RELL1: variants seen among roughly 807,000 people sequenced by gnomAD.
The protein encoded by RELL1 is RELT like 1.
RELL1 carries 10 observed loss-of-function variants against 23.0 expected under a neutral mutation model. That is an observed-to-expected ratio of 0.43 (90% CI 0.27 to 0.74). RELL1 has a LOEUF of 0.74. Among genes scored for constraint, RELL1 ranks in the 30% least tolerant of loss-of-function variants. RELL1 has a pLI of 0.19. For synonymous variants in RELL1, 146 were observed against 146.8 expected (o/e 0.99, Z 0.04); for missense variants, 315 against 364.4 (o/e 0.86, Z 1.10).
intron 1 of RELL1, among the ~76,000 whole-genome samples, chr4:37,675,469 A>T (rs909400669): frequency 2.6e-5 from 4 of 152,204 alleles, no homozygotes; most frequent in African/African-American, 9.6e-5. Context: ...TGCTCCACAC[A>T]GTGGTTGCAA....
At position 37,663,422 on chromosome 4, in the gene RELL1, A is replaced by T. The variant is rs16993773; in HGVS notation, c.89-13922T>A. On this transcript the variant is annotated intron_variant, in intron 1 of 6. Transcript: ENST00000454158. ...CTGAAGAAGTCATTTGTTTGAAGTG[A>T]CCTTAAAGCAACAGGGCTTCAGAAA... is the stretch of plus-strand genomic sequence containing the variant. Among the ~76,000 whole-genome samples the T allele has an allele frequency of 2.4e-3, 363 of 152,248 alleles. 1 individual carries two copies. Among genetic ancestry groups the T allele is most frequent in the African/African-American group, 8.4e-3 (348 of 41,504 alleles).
At chr4:37,675,709 C>A (rs887918235) in intron 1 of RELL1, among the ~76,000 whole-genome samples, 5 of 152,162 alleles carry the variant, frequency 3.3e-5, no homozygotes, top group African/African-American at 1.2e-4. Context: ...GAAATGCTAT[C>A]CTTGATCTCA....
intron 1 of RELL1, among the ~76,000 whole-genome samples, chr4:37,660,714 A>C (rs1032974674): frequency 2.0e-5 from 3 of 152,176 alleles, no homozygotes; most frequent in Non-Finnish European, 4.4e-5. Flanking sequence ...AGGGTACTGC[A>C]CTTGCTCAAG....
chr4:37,659,882 A>C (rs980108828), intron 1 of RELL1, among the ~76,000 whole-genome samples: 1 of 152,154 alleles, frequency 6.6e-6, no homozygotes, highest in Non-Finnish European at 1.5e-5. Flanking sequence ...GTGCTGACCA[A>C]GATCAAGATC....
chr4:37,681,796 CGA>C (rs1201861380), intron 1 of RELL1, among the ~76,000 whole-genome samples: 1 of 151,566 alleles, frequency 6.6e-6, no homozygotes, highest in Non-Finnish European at 1.5e-5. Flanking sequence ...CAAAGTGCTG[CGA>C]TTACAGGCGT....
At chr4:37,588,156 G>A (rs536018895), downstream of RELL1, 2 of 152,382 alleles carry the variant, frequency 1.3e-5, no homozygotes, top group African/African-American at 4.8e-5. Context: ...GAGGGGTCAG[G>A]GAACAGTGGG....
chr4:37,616,496 A>G (rs1177754866), intron 6 of RELL1, among the ~76,000 whole-genome samples: 1 of 152,224 alleles, frequency 6.6e-6, no homozygotes, highest in Admixed American at 6.5e-5. Flanking sequence ...GGTCTCTCTC[A>G]GGGGAAATCA....
In RELL1 at chr4:37,649,542, G is replaced by A. The variant is rs1296414249; in HGVS notation, c.89-42C>T. 6 of 1,554,808 alleles carry A rather than the reference G, an allele frequency of 3.9e-6. 1 individual carries two copies. The highest frequency in any genetic ancestry group is 2.3e-5 in the South Asian group (2 of 88,426). On this transcript the variant is annotated intron_variant, in intron 1 of 6. Transcript: ENST00000454158. ...GCATGCTGCATTAGATATCTGTCCA[G>A]GGCAAGAAAAACCTAATGACTCTCA...
chr4:37,679,742 G>C (rs190808585), intron 1 of RELL1, among the ~76,000 whole-genome samples: 1 of 152,142 alleles, frequency 6.6e-6, no homozygotes, highest in East Asian at 1.9e-4. Context: ...ATCACATGAG[G>C]TCAAGAGTTC....
At chr4:37,604,798 G>GACACACACACACACACACAC (rs368655689) in intron 6 of RELL1, among the ~76,000 whole-genome samples, 413 of 115,658 alleles carry the variant, frequency 3.6e-3, no homozygotes, top group Non-Finnish European at 5.4e-3. Flanking sequence ...CACACACACA[G>GACACACACACACACACACAC]ACACACACAC....
At chr4:37,667,426 A>G (rs1283857495) in intron 1 of RELL1, among the ~76,000 whole-genome samples, 3 of 149,764 alleles carry the variant, frequency 2.0e-5, no homozygotes, top group African/African-American at 7.4e-5. Flanking sequence ...AGCAAGTATC[A>G]AAGGTGACTT....
At chr4:37,669,870 A>C (rs1460249537) in intron 1 of RELL1, among the ~76,000 whole-genome samples, 1 of 151,352 alleles carries the variant, frequency 6.6e-6, no homozygotes, top group Non-Finnish European at 1.5e-5. Flanking sequence ...ACCACTCCCT[A>C]ATCTCAAGTA....
At chr4:37,664,302 G>C (rs1223565672) in intron 1 of RELL1, among the ~76,000 whole-genome samples, 2 of 151,894 alleles carry the variant, frequency 1.3e-5, no homozygotes, top group Non-Finnish European at 1.5e-5. Flanking sequence ...CTTGAACCCG[G>C]GTTGAACCTG....
chr4:37,591,186 C>A, exon 7 of RELL1: 1 of 573,920 alleles, frequency 1.7e-6, no homozygotes, highest in Non-Finnish European at 3.1e-6. Flanking sequence ...TCTGGAGTTT[C>A]ACTCTGTGTA....
intron 6 of RELL1, chr4:37,622,776 A>G: frequency 2.2e-6 from 1 of 451,266 alleles, no homozygotes; most frequent in Non-Finnish European, 4.4e-6. Context: ...ACTGCCTGGC[A>G]CATAGTAGGG....
At chr4:37,616,227 C>T (rs5013602) in intron 6 of RELL1, among the ~76,000 whole-genome samples, 127 of 152,332 alleles carry the variant, frequency 8.3e-4, no homozygotes, top group African/African-American at 3.0e-3. Flanking sequence ...TCAATGATTC[C>T]TATTTTCATA....
At chr4:37,646,012 G>A (rs557133903) in intron 3 of RELL1, among the ~76,000 whole-genome samples, 1 of 152,210 alleles carries the variant, frequency 6.6e-6, no homozygotes, top group East Asian at 1.9e-4. Flanking sequence ...TGAGTGTGGT[G>A]TATTTCAACC....
chr4:37,666,734 T>C (rs894457625), intron 1 of RELL1, among the ~76,000 whole-genome samples: 29 of 152,096 alleles, frequency 1.9e-4, no homozygotes, highest in African/African-American at 6.8e-4. Flanking sequence ...ACTGCTCAGG[T>C]GGTACCACAA....
At chr4:37,655,882 G>C (rs1721099487) in intron 1 of RELL1, among the ~76,000 whole-genome samples, 1 of 152,198 alleles carries the variant, frequency 6.6e-6, no homozygotes, top group African/African-American at 2.4e-5. Flanking sequence ...TGCTGTAAGA[G>C]AGCACAACTA....
Sources: allele counts gnomAD v4.1 joint callset (sites outside exome capture counted in the v4.1 genomes callset), GRCh38; gene constraint gnomAD v4.1.1; transcripts MANE v1.5; gene names NCBI Gene and HGNC (gene_info 2026-07-23, HGNC 2026-07-21).